The following SYT1 variants were observed in gnomAD, a reference collection of about 807,000 sequenced individuals.
The protein encoded by SYT1 is synaptotagmin-1.
A neutral mutation model predicts 44.8 loss-of-function variants in SYT1; 8 were observed. The ratio of observed to expected loss-of-function variants is 0.18; its 90% CI spans 0.10 to 0.32. The LOEUF is 0.32. Among genes scored for constraint, SYT1 ranks in the 10% least tolerant of loss-of-function variants. SYT1 has a pLI of 1.00. For missense variants in SYT1, 286 were observed against 509.3 expected, an observed-to-expected ratio of 0.56 and a Z score of 4.22; for synonymous variants, 154 against 188.8, an observed-to-expected ratio of 0.82 and a Z score of 1.51.
At chr12:78,969,377 G>A (rs562389255) in intron 1 of SYT1, among the ~76,000 whole-genome samples, 1 of 152,256 alleles carries the variant, frequency 6.6e-6, no homozygotes, top group East Asian at 1.9e-4. Flanking sequence ...TTCGGAAAAA[G>A]ACCGCAATAA....
intron 3 of SYT1, among the ~76,000 whole-genome samples, chr12:79,179,372 A>AGATATATC (rs1565842007): frequency 0.038 from 771 of 20,462 alleles, 169 homozygotes; most frequent in African/African-American, 0.19. Context: ...ATATAGATAT[A>AGATATATC]GATATAGATA....
intron 9 of SYT1, among the ~76,000 whole-genome samples, chr12:79,433,598 C>T (rs1167810224): frequency 6.6e-6 from 1 of 152,108 alleles, no homozygotes; most frequent in Non-Finnish European, 1.5e-5. Flanking sequence ...ATTTTGTTTG[C>T]ATTACTGAAT....
chr12:78,912,779 G>A (rs1173308529), intron 1 of SYT1, among the ~76,000 whole-genome samples: 1 of 151,882 alleles, frequency 6.6e-6, no homozygotes, highest in Non-Finnish European at 1.5e-5. Flanking sequence ...ATAATAAGCA[G>A]GAGAAAATGC....
At chr12:79,292,282 C>A in intron 6 of SYT1, 152 bp downstream of exon 6, 1 of 953,682 alleles carries the variant, frequency 1.0e-6, no homozygotes. Context: ...TAAGAACAGG[C>A]AGTCCCCTAC....
At chr12:79,212,603 A>C (rs960367402) in intron 3 of SYT1, among the ~76,000 whole-genome samples, 1 of 152,160 alleles carries the variant, frequency 6.6e-6, no homozygotes, top group African/African-American at 2.4e-5. Flanking sequence ...CTATTCAATA[A>C]TATTTTTCTT....
intron 2 of SYT1, among the ~76,000 whole-genome samples, chr12:79,037,751 T>G (rs1873231484): frequency 1.3e-5 from 2 of 151,848 alleles, no homozygotes; most frequent in African/African-American, 4.8e-5. Context: ...CACAGGTACT[T>G]CTAGTGGTTA....
At chr12:79,102,452 A>G (rs190437341) in intron 3 of SYT1, among the ~76,000 whole-genome samples, 18 of 152,280 alleles carry the variant, frequency 1.2e-4, no homozygotes, top group Admixed American at 5.9e-4. Context: ...CATCCAAAAC[A>G]GTGCTGCTTC....
intron 2 of SYT1, among the ~76,000 whole-genome samples, chr12:79,027,484 T>C (rs1398078091): frequency 6.6e-6 from 1 of 151,220 alleles, no homozygotes. Context: ...CATATAAATA[T>C]ATAAGTATGC....
chr12:79,038,112 C>T (rs1248424785), intron 2 of SYT1, among the ~76,000 whole-genome samples: 2 of 150,872 alleles, frequency 1.3e-5, no homozygotes, highest in African/African-American at 4.9e-5. Flanking sequence ...AATTATTTAC[C>T]TTTTGTCATA....
intron 3 of SYT1, among the ~76,000 whole-genome samples, chr12:79,135,421 C>A (rs4842438): frequency 0.11 from 16,527 of 152,030 alleles, 1,253 homozygotes; most frequent in African/African-American, 0.22. Context: ...TTCTAATATC[C>A]TGCTAGTCAA....
chr12:79,140,147 T>A (rs1869464569), intron 3 of SYT1, among the ~76,000 whole-genome samples: 1 of 152,214 alleles, frequency 6.6e-6, no homozygotes, highest in Non-Finnish European at 1.5e-5. Flanking sequence ...ATAGCCAAGT[T>A]CTTGCTATGC....
intron 3 of SYT1, among the ~76,000 whole-genome samples, chr12:79,066,243 A>G (rs535206591): frequency 1.3e-5 from 2 of 152,306 alleles, no homozygotes; most frequent in South Asian, 4.1e-4. Context: ...TACCAGAAGC[A>G]GGGTAAACAC....
chr12:79,352,645 A>G (rs1345480329), intron 8 of SYT1, among the ~76,000 whole-genome samples: 1 of 152,074 alleles, frequency 6.6e-6, no homozygotes, highest in Non-Finnish European at 1.5e-5. Context: ...TTAATTAATC[A>G]CCCTAGAAAA....
chr12:78,898,844 A>C (rs1021138479), intron 1 of SYT1, among the ~76,000 whole-genome samples: 2 of 152,126 alleles, frequency 1.3e-5, no homozygotes, highest in African/African-American at 4.8e-5. Context: ...ACAATTTTTT[A>C]ACATGCGTGC....
At chr12:79,373,759 A>C (rs1883884085) in intron 9 of SYT1, among the ~76,000 whole-genome samples, 1 of 152,156 alleles carries the variant, frequency 6.6e-6, no homozygotes, top group Non-Finnish European at 1.5e-5. Context: ...CTTTTAGAGA[A>C]GCTTTTAGCC....
At chr12:79,236,604 C>T (rs1330604078) in intron 4 of SYT1, among the ~76,000 whole-genome samples, 5 of 152,174 alleles carry the variant, frequency 3.3e-5, no homozygotes, top group African/African-American at 1.2e-4. Flanking sequence ...TTACTATAAG[C>T]TCATATCTTC....
chr12:79,399,587 G>C (rs967463692), intron 9 of SYT1, among the ~76,000 whole-genome samples: 2 of 152,124 alleles, frequency 1.3e-5, no homozygotes, highest in Non-Finnish European at 1.5e-5. Flanking sequence ...GTGTTGTCAA[G>C]TATACTCATT....
intron 4 of SYT1, among the ~76,000 whole-genome samples, chr12:79,228,987 A>C (rs1190799590): frequency 2.6e-5 from 4 of 152,166 alleles, no homozygotes; most frequent in Non-Finnish European, 2.9e-5. Context: ...TCTTCATTCA[A>C]ATCTCTCACT....
At chr12:78,944,636 A>C (rs1879436) in intron 1 of SYT1, among the ~76,000 whole-genome samples, 23,201 of 152,090 alleles carry the variant, frequency 0.15, 2,099 homozygotes, top group East Asian at 0.32. Context: ...AACATGAAAG[A>C]ATGAAATTAA....
Sources: gnomAD v4.1 joint callset for allele counts (sites outside exome capture counted in the v4.1 genomes callset) on GRCh38, gnomAD v4.1.1 for gene constraint, MANE v1.5 for transcripts, NCBI Gene and HGNC (gene_info 2026-07-23, HGNC 2026-07-21) for gene names.